The following PLA2G4A variants were observed in gnomAD, a reference collection of about 807,000 sequenced individuals.
PLA2G4A encodes the protein phospholipase A2 group IVA.
PLA2G4A carries 40 observed loss-of-function variants against 81.9 expected under a neutral mutation model. That is an observed-to-expected ratio of 0.49 (90% CI 0.38 to 0.64). PLA2G4A has a LOEUF of 0.64. Among genes scored for constraint, PLA2G4A ranks in the 30% least tolerant of loss-of-function variants. PLA2G4A has a pLI of 0.00. For missense variants in PLA2G4A, 715 were observed against 905.1 expected (o/e 0.79, Z 2.69); for synonymous variants, 302 against 296.9 (o/e 1.02, Z -0.18).
chr1:186,976,892 G>A (rs1053335517), intron 15 of PLA2G4A, among the ~76,000 whole-genome samples: 2 of 152,180 alleles, frequency 1.3e-5, no homozygotes, highest in Admixed American at 1.3e-4. Context: ...ATCACCCGTG[G>A]AGGCTCTGTT....
intron 2 of PLA2G4A, among the ~76,000 whole-genome samples, chr1:186,856,895 G>A (rs1232277093): frequency 6.7e-6 from 1 of 150,182 alleles, no homozygotes; most frequent in South Asian, 2.1e-4. Context: ...GTAGTCTGAA[G>A]GCGGGATATA....
chr1:186,938,052 T>G (rs1182184531), intron 8 of PLA2G4A, among the ~76,000 whole-genome samples: 3 of 152,090 alleles, frequency 2.0e-5, no homozygotes, highest in Non-Finnish European at 4.4e-5. Context: ...CTTGGTTGGA[T>G]GAAGTGATGG....
Position 186,854,401 on chromosome 1 carries a change from T to A in PLA2G4A, c.33+14T>A. 6.6e-7 allele frequency: 1 copy of A among 1,526,336 alleles called. No individual in the cohort carries two copies. Among genetic ancestry groups the A allele is most frequent in the Non-Finnish European group, 9.1e-7 (1 of 1,100,382 alleles). 94.5% of individuals were successfully genotyped at this position (1,526,336 alleles called of 1,614,324 possible). A position where few individuals can be genotyped will look rare whatever the true frequency, so the allele number is the denominator to read the frequency against. On this transcript the variant is annotated intron_variant, in intron 2 of 17. Coordinates refer to ENST00000367466, the MANE Select transcript of PLA2G4A (RefSeq NM_024420.3). ...CAGCACATTATAGTAAGTCATTCAC[T>A]GTTTATGAATTCTTTCTTGGAGGGG... is the stretch of plus-strand genomic sequence containing the variant.
At chr1:186,937,338 G>T (rs1028773106) in intron 8 of PLA2G4A, among the ~76,000 whole-genome samples, 7 of 151,836 alleles carry the variant, frequency 4.6e-5, no homozygotes, top group African/African-American at 1.7e-4. Context: ...GTATGAGAAG[G>T]TCCAGAATAT....
At chr1:186,882,962 A>G (rs1269106164) in intron 3 of PLA2G4A, among the ~76,000 whole-genome samples, 1 of 151,794 alleles carries the variant, frequency 6.6e-6, no homozygotes, top group Non-Finnish European at 1.5e-5. Context: ...AATAGGAAAG[A>G]AAGTGAGGAA....
At position 186,894,158 on chromosome 1, in the gene PLA2G4A, G is replaced by A; in HGVS notation, c.325G>A (p.Val109Ile). The stretch of plus-strand genomic sequence containing the variant: ...AACTCTAGGGACAGCAACATTTACT[G>A]TATCTTCTATGAAGGTGGGAGAAAA... ...DETLGTATFT[V>I]SSMKVGEKKE... is the part of the protein sequence containing the mutation. The change falls in exon 5 of 18, where the codon GTA becomes ATA. Residue 109 changes from valine to isoleucine, a missense_variant. By Grantham distance (29) the Val-to-Ile change is conservative. Transcript: ENST00000367466. The A allele has an allele frequency of 3.3e-6, 5 of 1,523,718 alleles. No individual in the cohort carries two copies. The South Asian group carries it at 4.5e-5, about 14-fold the overall frequency. The allele number at this position is 1,523,718 out of a possible 1,614,324, so 94.4% of individuals were successfully genotyped here.
In PLA2G4A at chr1:186,894,345, G is replaced by C. The variant is rs1047410430; in HGVS notation, c.378+134G>C. The C allele has an allele frequency of 1.1e-5, 7 of 638,232 alleles. No individual in the cohort carries two copies. The African/African-American group carries it at 1.3e-4, about 12-fold the overall frequency. 39.5% of individuals were successfully genotyped at this position (638,232 alleles called of 1,614,324 possible). ...GTTTGCTTTTTAAAGAGAAAATTTT[G>C]TTTTTCTTTTTACTTTTTGTCCTAA... is the stretch of plus-strand genomic sequence containing the variant. On this transcript the variant is annotated intron_variant, in intron 5 of 17. Coordinates refer to ENST00000367466, the MANE Select transcript of PLA2G4A (RefSeq NM_024420.3).
intron 7 of PLA2G4A, among the ~76,000 whole-genome samples, chr1:186,916,176 TC>T (rs1471689494): frequency 0.23 from 152 of 660 alleles, 2 homozygotes; most frequent in East Asian, 0.51. Flanking sequence ...CGTAAACTTC[TC>T]CTCCTCGAAC....
intron 3 of PLA2G4A, 173 bp downstream of exon 3, chr1:186,870,689 A>G (rs746614617): frequency 6.8e-7 from 1 of 1,472,546 alleles, no homozygotes; most frequent in African/African-American, 1.5e-5. Flanking sequence ...TCAGATTAGC[A>G]TTTTACCTGG....
chr1:186,946,909 T>C lies in PLA2G4A; in HGVS notation c.1212T>C (p.Val404=). ...GSAFSILFNR[V]LGVSGSQSRG... is the part of the protein sequence containing the mutation. ...CCTTTTCCATATTGTTCAACAGAGT[T>C]TTGGGCGTTTCTGGTTCACAAAGCA... The change falls in exon 12 of 18, where the codon GTT becomes GTC. Residue 404 remains valine (V), a synonymous_variant. Transcript: ENST00000367466. 4 of 1,612,806 alleles carry C rather than the reference T, an allele frequency of 2.5e-6. No homozygotes were observed. The highest frequency in any genetic ancestry group is 3.4e-6 in the Non-Finnish European group (4 of 1,178,962).
At chr1:186,843,620 A>C (rs1319274397) in intron 1 of PLA2G4A, among the ~76,000 whole-genome samples, 1 of 152,226 alleles carries the variant, frequency 6.6e-6, no homozygotes, top group African/African-American at 2.4e-5. Flanking sequence ...CTAGTAGATA[A>C]ATTAAGAGAT....
At chr1:186,919,674 GCAAA>G (rs1161343025) in intron 7 of PLA2G4A, among the ~76,000 whole-genome samples, 1 of 152,158 alleles carries the variant, frequency 6.6e-6, no homozygotes, top group African/African-American at 2.4e-5. Flanking sequence ...CCACTGAAAG[GCAAA>G]CAGCTTCTGG....
At chr1:186,857,688 G>C (rs1366025425) in intron 2 of PLA2G4A, among the ~76,000 whole-genome samples, 2 of 150,956 alleles carry the variant, frequency 1.3e-5, no homozygotes, top group Non-Finnish European at 2.9e-5. Context: ...TGCCATGGTG[G>C]TTTGCTGCAC....
At chr1:186,942,077 C>A (rs886976180) in intron 10 of PLA2G4A, among the ~76,000 whole-genome samples, 2 of 152,076 alleles carry the variant, frequency 1.3e-5, no homozygotes, top group African/African-American at 4.8e-5. Context: ...ATATGAAAGG[C>A]ACATTTAATT....
intron 1 of PLA2G4A, 114 bp downstream of exon 1, chr1:186,829,149 G>A (rs1282562297): frequency 6.6e-6 from 1 of 152,212 alleles, no homozygotes; most frequent in Admixed American, 6.5e-5. Context: ...GGACGGAGGG[G>A]AAACCTCGCT....
At chr1:186,846,483 A>G (rs1158514342) in intron 1 of PLA2G4A, among the ~76,000 whole-genome samples, 8 of 152,214 alleles carry the variant, frequency 5.3e-5, no homozygotes, top group African/African-American at 1.9e-4. Context: ...CAAAAATATT[A>G]CAGGGCTCTC....
At chr1:186,980,134 A>C (rs1389153626) in intron 17 of PLA2G4A, among the ~76,000 whole-genome samples, 1 of 151,816 alleles carries the variant, frequency 6.6e-6, no homozygotes, top group Non-Finnish European at 1.5e-5. Flanking sequence ...GTTTGTAGTG[A>C]AGACGGGGTT....
intron 6 of PLA2G4A, among the ~76,000 whole-genome samples, chr1:186,907,947 C>T (rs1654799725): frequency 6.6e-6 from 1 of 152,164 alleles, no homozygotes; most frequent in South Asian, 2.1e-4. Flanking sequence ...ATTAGAAACA[C>T]TTGTTATTTG....
In PLA2G4A at chr1:186,854,195, T is replaced by G. The variant is rs1463840624; in HGVS notation, c.-69-91T>G. On this transcript the variant is annotated intron_variant, in intron 1 of 17. Transcript: ENST00000367466. ...ACCTATCTAGTGTCCTTGGGTAGAC[T>G]TTTTCTTCCTAAGACGCATACTCAT... The G allele has an allele frequency of 1.0e-5, 6 of 593,792 alleles. No homozygotes were observed. The East Asian group carries it at 1.4e-4, about 14-fold the overall frequency. 36.8% of individuals were successfully genotyped at this position (593,792 alleles called of 1,614,324 possible).
Sources: allele counts gnomAD v4.1 joint callset (sites outside exome capture counted in the v4.1 genomes callset), GRCh38; gene constraint gnomAD v4.1.1; transcripts MANE v1.5; gene names NCBI Gene and HGNC (gene_info 2026-07-23, HGNC 2026-07-21).